Variants in GRIA4 observed in about 807,000 individuals in gnomAD.
GRIA4 encodes glutamate receptor 4.
GRIA4 carries 34 observed loss-of-function variants against 104.0 expected under a neutral mutation model. The observed-to-expected ratio is 0.33, with a 90% CI of 0.25 to 0.44. GRIA4 has a LOEUF of 0.44. Ranked by LOEUF, GRIA4 falls within the 20% of genes least tolerant of loss-of-function variation. GRIA4 has a pLI of 1.00. For synonymous variants in GRIA4, 386 were observed against 381.9 expected (o/e 1.01, Z -0.13); for missense variants, 750 against 1,096.5 (o/e 0.68, Z 4.46).
chr11:105,817,051 T>G (rs1455028802), intron 4 of GRIA4, among the ~76,000 whole-genome samples: 1 of 151,890 alleles, frequency 6.6e-6, no homozygotes, highest in Non-Finnish European at 1.5e-5. Flanking sequence ...CTAACTCAGG[T>G]TCTGAAATCC....
At chr11:105,737,276 T>A (rs890405600) in intron 3 of GRIA4, among the ~76,000 whole-genome samples, 3 of 152,128 alleles carry the variant, frequency 2.0e-5, no homozygotes, top group Non-Finnish European at 4.4e-5. Context: ...AGCCAAAAAA[T>A]AACAACACAC....
chr11:105,690,461 C>T (rs1953044164), intron 3 of GRIA4, among the ~76,000 whole-genome samples: 1 of 152,100 alleles, frequency 6.6e-6, no homozygotes, highest in East Asian at 1.9e-4. Context: ...AGTAATCAGT[C>T]ACTTATATCC....
intron 5 of GRIA4, among the ~76,000 whole-genome samples, chr11:105,872,922 C>A (rs1257622443): frequency 1.3e-5 from 2 of 151,716 alleles, no homozygotes; most frequent in African/African-American, 2.4e-5. Flanking sequence ...TTAGATTGAA[C>A]ATGGTGTATC....
At chr11:105,676,461 T>G (rs1427010019) in intron 3 of GRIA4, among the ~76,000 whole-genome samples, 2 of 151,412 alleles carry the variant, frequency 1.3e-5, no homozygotes, top group East Asian at 3.9e-4. Context: ...TTTGAAGGAC[T>G]AGGAAAAAAG....
In GRIA4 at chr11:105,971,954, G is replaced by C; in HGVS notation, c.2335G>C (p.Gly779Arg). The C allele has an allele frequency of 1.9e-6, 3 of 1,612,832 alleles. No individual in the cohort carries two copies. The highest frequency in any genetic ancestry group is 1.3e-5 in the African/African-American group (1 of 74,942). Residue 779 changes from glycine (G) to arginine (R), a missense_variant, in exon 15 of 17, where the codon GGC becomes CGC. Around this residue, in one of 3 missense-constraint regions of GRIA4, gnomAD observed 272 missense variants for 524.5 expected, o/e 0.52. Coordinates refer to ENST00000282499, the MANE Select transcript of GRIA4 (RefSeq NM_000829.4). ...NLAVLKLSEA[G>R]VLDKLKNKWW... ...TGCCGTTTTGAAACTCAGTGAGGCA[G>C]GCGTCTTAGACAAGCTGAAAAACAA...
At chr11:105,772,358 G>C (rs1011343965) in intron 4 of GRIA4, among the ~76,000 whole-genome samples, 18 of 152,128 alleles carry the variant, frequency 1.2e-4, no homozygotes, top group African/African-American at 4.3e-4. Flanking sequence ...GAGGTCTGCA[G>C]CCACAGTTGC....
intron 4 of GRIA4, among the ~76,000 whole-genome samples, chr11:105,858,079 T>A (rs1406175020): frequency 6.6e-6 from 1 of 152,150 alleles, no homozygotes; most frequent in Admixed American, 6.6e-5. Context: ...TTATGTGATA[T>A]CATAACACTT....
Position 105,807,065 on chromosome 11 carries a change from T to C in GRIA4, c.487+53845T>C, listed in dbSNP as rs1251612997. Among the ~76,000 whole-genome samples, 4 of 151,684 alleles carry C rather than the reference T, an allele frequency of 2.6e-5. No individual in the cohort carries two copies. The East Asian group carries it at 7.7e-4, about 29-fold the overall frequency. On this transcript the variant is annotated intron_variant, in intron 4 of 16. Transcript: ENST00000282499. ...AGAAAACTAAAAATTTCATAGACTC[T>C]AAGGATAAGAATTTTCAAATTGAAC...
At chr11:105,952,001 ATGATGCAAC>A (rs1194029438) in intron 14 of GRIA4, among the ~76,000 whole-genome samples, 2 of 152,146 alleles carry the variant, frequency 1.3e-5, no homozygotes, top group Non-Finnish European at 2.9e-5. Flanking sequence ...TGTTCTGCAT[ATGATGCAAC>A]TGTACAATGA....
chr11:105,760,937 G>A, intron 4 of GRIA4, among the ~76,000 whole-genome samples: 1 of 151,998 alleles, frequency 6.6e-6, no homozygotes, highest in East Asian at 1.9e-4. Context: ...TTAGCTGCAA[G>A]GTTCTATATA....
chr11:105,667,791 C>T (rs184448466), intron 3 of GRIA4, among the ~76,000 whole-genome samples: 30 of 152,060 alleles, frequency 2.0e-4, no homozygotes, highest in Middle Eastern at 3.4e-3. Context: ...AGCTAATTAA[C>T]ATATCTTTTA....
At chr11:105,917,490 T>C (rs1357741889) in intron 10 of GRIA4, among the ~76,000 whole-genome samples, 1 of 152,200 alleles carries the variant, frequency 6.6e-6, no homozygotes, top group Non-Finnish European at 1.5e-5. Flanking sequence ...TTACCTTCTA[T>C]TATACAGTTT....
chr11:105,707,728 A>G (rs971984899), intron 3 of GRIA4: 5 of 152,226 alleles, frequency 3.3e-5, no homozygotes, highest in African/African-American at 4.8e-5. Context: ...GAAGTTGATT[A>G]TGAGGCTATG....
chr11:105,748,280 C>T (rs1939784174), intron 3 of GRIA4, among the ~76,000 whole-genome samples: 2 of 152,154 alleles, frequency 1.3e-5, no homozygotes, highest in Admixed American at 1.3e-4. Flanking sequence ...GGCCTCATTA[C>T]GTCACCTGGG....
intron 4 of GRIA4, among the ~76,000 whole-genome samples, chr11:105,781,004 C>T (rs886753193): frequency 1.4e-4 from 22 of 152,242 alleles, no homozygotes; most frequent in African/African-American, 5.3e-4. Context: ...TCTAATTCAT[C>T]TTTTCAGTTG....
intron 4 of GRIA4, among the ~76,000 whole-genome samples, chr11:105,803,714 A>C (rs957154778): frequency 6.6e-6 from 1 of 151,868 alleles, no homozygotes; most frequent in Non-Finnish European, 1.5e-5. Context: ...CAGATAAAGA[A>C]CACTTCATGA....
intron 4 of GRIA4, among the ~76,000 whole-genome samples, chr11:105,803,726 C>A (rs772458712): frequency 1.7e-4 from 25 of 151,264 alleles, no homozygotes; most frequent in Non-Finnish European, 3.4e-4. Flanking sequence ...ACTTCATGAG[C>A]TCCTAATGAT....
intron 6 of GRIA4, among the ~76,000 whole-genome samples, chr11:105,890,798 C>A (rs574282750): frequency 2.0e-5 from 3 of 152,296 alleles, no homozygotes; most frequent in South Asian, 4.1e-4. Flanking sequence ...CTTGAAATTT[C>A]TCTGATTATC....
At chr11:105,622,344 T>A (rs1950769027) in intron 3 of GRIA4, among the ~76,000 whole-genome samples, 2 of 151,906 alleles carry the variant, frequency 1.3e-5, no homozygotes, top group Admixed American at 1.3e-4. Context: ...TAGAAACTGA[T>A]CTTTGTGAGG....
Sources: gnomAD v4.1 joint callset for allele counts (sites outside exome capture counted in the v4.1 genomes callset) on GRCh38, gnomAD v4.1.1 for gene constraint, gnomAD v4.1.1 regional missense constraint, MANE v1.5 for transcripts, NCBI Gene and HGNC (gene_info 2026-07-23, HGNC 2026-07-21) for gene names.